The following SDK1 variants were observed in gnomAD, a reference collection of about 807,000 sequenced individuals.
SDK1 encodes the protein sidekick cell adhesion molecule 1.
SDK1 carries 157 observed loss-of-function variants against 245.5 expected under a neutral mutation model. That is an observed-to-expected ratio of 0.64 (90% CI 0.56 to 0.73). The LOEUF is 0.73. Among genes scored for constraint, SDK1 ranks in the 30% least tolerant of loss-of-function variants. SDK1 has a pLI of 0.00. For synonymous variants in SDK1, 1,647 were observed against 1,278.5 expected (o/e 1.29, Z -6.15); for missense variants, 3,583 against 3,002.3 (o/e 1.19, Z -4.52).
intron 39 of SDK1, 150 bp from the exon 40 acceptor site, chr7:4,221,089 A>G (rs1785127812): frequency 1.1e-6 from 1 of 898,478 alleles, no homozygotes; most frequent in South Asian, 1.9e-5. Context: ...TGTTATTAAG[A>G]TGAAAAACCC....
At chr7:3,358,272 T>C (rs762591986) in intron 1 of SDK1, among the ~76,000 whole-genome samples, 3 of 152,224 alleles carry the variant, frequency 2.0e-5, no homozygotes, top group Non-Finnish European at 4.4e-5. Context: ...TCTGCCCGTC[T>C]CAGCCTCCCA....
chr7:3,506,129 A>G (rs774533709), intron 1 of SDK1, among the ~76,000 whole-genome samples: 1 of 152,078 alleles, frequency 6.6e-6, no homozygotes, highest in Non-Finnish European at 1.5e-5. Context: ...TCTCTTTGCC[A>G]AAAGAACTTC....
chr7:3,728,168 C>T (rs1779070816), intron 4 of SDK1, among the ~76,000 whole-genome samples: 1 of 152,240 alleles, frequency 6.6e-6, no homozygotes, highest in African/African-American at 2.4e-5. Context: ...TGGCGTGTCA[C>T]TGTTGATGCT....
At chr7:3,649,350 A>G (rs1206048789) in intron 4 of SDK1, among the ~76,000 whole-genome samples, 9 of 152,058 alleles carry the variant, frequency 5.9e-5, no homozygotes, top group African/African-American at 1.9e-4. Context: ...ATGAATTTCA[A>G]TAAATATGTG....
At chr7:3,860,019 A>T (rs113874873) in intron 5 of SDK1, among the ~76,000 whole-genome samples, 3,961 of 151,786 alleles carry the variant, frequency 0.026, 149 homozygotes, top group African/African-American at 0.085. Context: ...TCCCAGGTTC[A>T]CGCCATTCTC....
intron 35 of SDK1, among the ~76,000 whole-genome samples, chr7:4,196,718 C>G (rs1026446547): frequency 6.6e-6 from 1 of 152,210 alleles, no homozygotes; most frequent in Non-Finnish European, 1.5e-5. Context: ...CTGACCTGCC[C>G]GTGGCCTGCT....
Position 3,577,841 on chromosome 7 carries a change from T to G in SDK1, c.299-41239T>G, listed in dbSNP as rs530997644. On this transcript the variant is annotated intron_variant, in intron 1 of 44. Coordinates refer to ENST00000404826, the MANE Select transcript of SDK1 (RefSeq NM_152744.4). ...GGGCAGAAACTCTAACTTCCTCATC[T>G]CCTGCATTGCCTGGCAGCTCCTGTC... 4.6e-5 allele frequency among the ~76,000 whole-genome samples: 7 copies of G among 152,120 alleles called. No individual in the cohort carries two copies. In the South Asian group the frequency reaches 1.5e-3, roughly 32 times the overall value.
Position 3,619,314 on chromosome 7 carries a change from A to G in SDK1, c.458+75A>G, listed in dbSNP as rs529118265. The G allele has an allele frequency of 1.1e-5, 14 of 1,232,158 alleles. No homozygotes were observed. The African/African-American group carries it at 1.9e-4, about 17-fold the overall frequency. The allele number at this position is 1,232,158 out of a possible 1,614,324, so 76.3% of individuals were successfully genotyped here. A position where few individuals can be genotyped will look rare whatever the true frequency, so the allele number is the denominator to read the frequency against. On this transcript the variant is annotated intron_variant, in intron 2 of 44. Transcript: ENST00000404826. ...GAATACTTGCCTTACTGGTCATAAT[A>G]GCACAATGAGTGAAAATATTGGATT...
chr7:3,366,214 C>T (rs1015810204), intron 1 of SDK1, among the ~76,000 whole-genome samples: 3 of 152,132 alleles, frequency 2.0e-5, no homozygotes, highest in African/African-American at 4.8e-5. Flanking sequence ...CATAGAGAAG[C>T]ATTCTCTGTT....
intron 5 of SDK1, among the ~76,000 whole-genome samples, chr7:3,926,129 T>G (rs1779758282): frequency 6.6e-6 from 1 of 152,208 alleles, no homozygotes; most frequent in East Asian, 1.9e-4. Context: ...TCCCTTTTTG[T>G]GCAACAAGCA....
intron 19 of SDK1, among the ~76,000 whole-genome samples, chr7:4,054,000 G>A (rs1779045241): frequency 6.6e-6 from 1 of 151,936 alleles, no homozygotes; most frequent in Admixed American, 6.6e-5. Context: ...GTGCAGTGGT[G>A]CAATCTTGGC....
At chr7:3,497,528 A>G (rs184203212) in intron 1 of SDK1, among the ~76,000 whole-genome samples, 59 of 152,314 alleles carry the variant, frequency 3.9e-4, no homozygotes, top group Non-Finnish European at 7.1e-4. Flanking sequence ...ATGATTTTGC[A>G]AATTGCAATA....
intron 4 of SDK1, among the ~76,000 whole-genome samples, chr7:3,774,293 C>T (rs1780488155): frequency 6.6e-6 from 1 of 151,404 alleles, no homozygotes; most frequent in East Asian, 1.9e-4. Context: ...AGGCCTACAA[C>T]AGTGGGGGAA....
At chr7:4,116,809 C>T (rs773920738) in intron 25 of SDK1, among the ~76,000 whole-genome samples, 4 of 152,198 alleles carry the variant, frequency 2.6e-5, no homozygotes, top group Non-Finnish European at 5.9e-5. Context: ...CCAATGAGAG[C>T]CCCGGAAGAG....
At chr7:3,809,500 G>A (rs561298590) in intron 4 of SDK1, among the ~76,000 whole-genome samples, 1 of 152,154 alleles carries the variant, frequency 6.6e-6, no homozygotes, top group Non-Finnish European at 1.5e-5. Context: ...GCACAGCTTT[G>A]TCACTCGGCA....
chr7:3,590,410 C>G (rs1057393694), intron 1 of SDK1, among the ~76,000 whole-genome samples: 11 of 139,004 alleles, frequency 7.9e-5, no homozygotes, highest in Admixed American at 4.8e-4. Context: ...CTCTGCAGAA[C>G]AAAGATTTTT....
chr7:3,910,258 A>G (rs1294165907), intron 5 of SDK1, among the ~76,000 whole-genome samples: 1 of 152,176 alleles, frequency 6.6e-6, no homozygotes, highest in Non-Finnish European at 1.5e-5. Flanking sequence ...GACAAAACAA[A>G]AACAGATTAT....
chr7:3,909,153 G>A lies in SDK1; in HGVS notation c.848-41770G>A, dbSNP rs186955148. On this transcript the variant is annotated intron_variant, in intron 5 of 44. Coordinates refer to ENST00000404826, the MANE Select transcript of SDK1 (RefSeq NM_152744.4). ...AAGTATCTTGGCATAAGTCAGAGAA[G>A]GGTCCAAGGCAGACCATCTTCAGAC... 3.7e-3 allele frequency among the ~76,000 whole-genome samples: 566 copies of A among 152,302 alleles called. 8 individuals are homozygous for A. The highest frequency in any genetic ancestry group is 0.013 in the African/African-American group (554 of 41,570).
At chr7:3,493,767 A>G (rs1781937372) in intron 1 of SDK1, among the ~76,000 whole-genome samples, 1 of 152,210 alleles carries the variant, frequency 6.6e-6, no homozygotes, top group Admixed American at 6.5e-5. Context: ...CTTATGACAT[A>G]GCTTCTATGA....
Sources: allele counts gnomAD v4.1 joint callset (sites outside exome capture counted in the v4.1 genomes callset), GRCh38; gene constraint gnomAD v4.1.1; transcripts MANE v1.5; gene names NCBI Gene and HGNC (gene_info 2026-07-23, HGNC 2026-07-21).